TENM4: variants seen among roughly 807,000 people sequenced by gnomAD.
TENM4 encodes the protein teneurin-4.
In TENM4, 82 loss-of-function variants were observed where a neutral mutation model predicts 243.3. The ratio of observed to expected loss-of-function variants is 0.34; its 90% confidence interval spans 0.28 to 0.40. The LOEUF (loss-of-function observed/expected upper bound fraction) is 0.40. Among genes scored for constraint, TENM4 ranks in the 10% least tolerant of loss-of-function variants. TENM4 has a pLI of 1.00. For missense variants in TENM4, 3,138 were observed against 3,673.3 expected (o/e 0.85, Z 3.77); for synonymous variants, 1,412 against 1,456.3 (o/e 0.97, Z 0.69).
intron 19 of TENM4, among the ~76,000 whole-genome samples, chr11:78,745,222 TTTTTC>T (rs1856021974): frequency 7.0e-6 from 1 of 143,004 alleles, no homozygotes; most frequent in Non-Finnish European, 1.5e-5. Context: ...CTTTTTTTTC[TTTTTC>T]TTTTTTTTTT....
At chr11:78,976,424 A>C (rs539044463) in intron 6 of TENM4, among the ~76,000 whole-genome samples, 12 of 152,300 alleles carry the variant, frequency 7.9e-5, no homozygotes, top group East Asian at 1.9e-4. Context: ...TAAAAAAAAA[A>C]CCAGAAAGCC....
intron 12 of TENM4, among the ~76,000 whole-genome samples, chr11:78,824,310 G>C (rs1310413268): frequency 6.6e-6 from 1 of 152,100 alleles, no homozygotes; most frequent in Non-Finnish European, 1.5e-5. Context: ...GGTGAAGTGG[G>C]AGCCTGCATA....
At chr11:79,194,269 C>T (rs780799090) in intron 3 of TENM4, among the ~76,000 whole-genome samples, 12 of 151,644 alleles carry the variant, frequency 7.9e-5, no homozygotes, top group Non-Finnish European at 1.5e-4. Context: ...TTATCAACAG[C>T]ATGAAAACGG....
In TENM4 at chr11:79,440,313, T is replaced by C. The variant is rs1187140044; in HGVS notation, c.-321+196A>G. Among the ~76,000 whole-genome samples the C allele has an allele frequency of 1.3e-5, 2 of 151,972 alleles. No homozygotes were observed. Among genetic ancestry groups the C allele is most frequent in the Non-Finnish European group, 2.9e-5 (2 of 67,942 alleles). ...GGCGGCTCCAGGCTCCAGAACAGCT[T>C]GCCTCTTCGGCCACCCGCGCCCTAG... On this transcript the variant is annotated intron_variant, in intron 1 of 33. Transcript: ENST00000278550. This position sits in a 1 kb window ranked among gnomAD's most constrained non-coding sequence, Gnocchi z 4.7.
At position 79,414,157 on chromosome 11, in the gene TENM4, TACACAC is replaced by T. The variant is rs10587790; in HGVS notation, c.-321+26346_-321+26351del. On this transcript the variant is annotated intron_variant, in intron 1 of 33. Coordinates refer to ENST00000278550, the MANE Select transcript of TENM4 (RefSeq NM_001098816.3). The stretch of plus-strand genomic sequence containing the variant: ...ACATGAACACATATACACACATGTG[TACACAC>T]ACACACACACACACACACACGCACA... Among the ~76,000 whole-genome samples, 178 of 150,580 alleles carry T rather than the reference TACACAC, an allele frequency of 1.2e-3. 1 individual carries two copies. The highest frequency in any genetic ancestry group is 4.9e-3 in the East Asian group (25 of 5,124).
At chr11:79,026,845 A>C (rs1051621196) in intron 6 of TENM4, among the ~76,000 whole-genome samples, 1 of 152,188 alleles carries the variant, frequency 6.6e-6, no homozygotes, top group Non-Finnish European at 1.5e-5. Context: ...GACTCTGGTA[A>C]AAGGGCAAAA....
At chr11:79,128,868 T>C (rs1306986026) in intron 4 of TENM4, among the ~76,000 whole-genome samples, 1 of 151,994 alleles carries the variant, frequency 6.6e-6, no homozygotes, top group African/African-American at 2.4e-5. Flanking sequence ...GGAAAATTGG[T>C]GACAAAAAAA....
intron 1 of TENM4, among the ~76,000 whole-genome samples, chr11:79,413,503 C>G (rs1434839199): frequency 6.6e-6 from 1 of 152,208 alleles, no homozygotes; most frequent in Non-Finnish European, 1.5e-5. Context: ...AGAGAGAAGA[C>G]ACAAGGTTCC....
At chr11:79,049,461 C>A (rs935371991) in intron 6 of TENM4, among the ~76,000 whole-genome samples, 5 of 152,168 alleles carry the variant, frequency 3.3e-5, no homozygotes, top group Non-Finnish European at 5.9e-5. Flanking sequence ...CTGCTAGGGC[C>A]GCTCACTAAT....
intron 30 of TENM4, among the ~76,000 whole-genome samples, chr11:78,674,588 C>G (rs1206669392): frequency 6.6e-6 from 1 of 152,214 alleles, no homozygotes; most frequent in Non-Finnish European, 1.5e-5. Context: ...CCACATGGCA[C>G]AGGCAGGAAT....
intron 1 of TENM4, among the ~76,000 whole-genome samples, chr11:79,391,594 G>T (rs1453793217): frequency 1.3e-5 from 2 of 152,208 alleles, no homozygotes; most frequent in Non-Finnish European, 2.9e-5. Context: ...CAAAAGGTTG[G>T]GTTTTTTTTA....
chr11:78,912,379 C>A (rs538913555), intron 6 of TENM4, among the ~76,000 whole-genome samples: 92 of 152,204 alleles, frequency 6.0e-4, no homozygotes, highest in African/African-American at 2.0e-3. Context: ...CTCAGCCTCC[C>A]GAGTAGTTGG....
chr11:78,689,999 G>A (rs1257487558), intron 28 of TENM4, among the ~76,000 whole-genome samples: 2 of 152,208 alleles, frequency 1.3e-5, no homozygotes, highest in Non-Finnish European at 2.9e-5. Context: ...GGGCAGGGCT[G>A]CAGGCAAGGC....
At chr11:79,161,981 A>T (rs112462451) in intron 3 of TENM4, among the ~76,000 whole-genome samples, 1,858 of 152,302 alleles carry the variant, frequency 0.012, 39 homozygotes, top group African/African-American at 0.043. Flanking sequence ...CTGAGTGACA[A>T]TGATTGGGTT....
At chr11:79,190,785 GTCTCCCTCTCCC>G (rs1235191049) in intron 3 of TENM4, among the ~76,000 whole-genome samples, 1 of 94,728 alleles carries the variant, frequency 1.1e-5, no homozygotes, top group East Asian at 3.2e-4. Context: ...TCCCTCTCCC[GTCTCCCTCTCCC>G]TCTCCCTCTC....
intron 1 of TENM4, among the ~76,000 whole-genome samples, chr11:79,360,433 C>T (rs143068741): frequency 0.012 from 1,810 of 152,306 alleles, 35 homozygotes; most frequent in African/African-American, 0.041. Flanking sequence ...ACATAGGGAA[C>T]CTCTCCCTCC....
At chr11:78,879,830 G>C (rs1859382542) in intron 9 of TENM4, among the ~76,000 whole-genome samples, 1 of 151,490 alleles carries the variant, frequency 6.6e-6, no homozygotes, top group Non-Finnish European at 1.5e-5. Flanking sequence ...GGGAGGTGAG[G>C]AGCACCTCTG....
At chr11:78,801,075 G>A (rs919521068) in intron 15 of TENM4, among the ~76,000 whole-genome samples, 1 of 152,088 alleles carries the variant, frequency 6.6e-6, no homozygotes, top group Non-Finnish European at 1.5e-5. Flanking sequence ...CCTGTGGCTT[G>A]TCAGAAAGAG....
chr11:78,690,534 G>C (rs1357814406), intron 28 of TENM4, among the ~76,000 whole-genome samples: 1 of 152,192 alleles, frequency 6.6e-6, no homozygotes, highest in Non-Finnish European at 1.5e-5. Context: ...AACCACACGT[G>C]AGAGCTCATG....
Sources: gnomAD v4.1 joint callset for allele counts (sites outside exome capture counted in the v4.1 genomes callset) on GRCh38, gnomAD v4.1.1 for gene constraint, Gnocchi (gnomAD v3.1) non-coding constraint, MANE v1.5 for transcripts, NCBI Gene and HGNC (gene_info 2026-07-23, HGNC 2026-07-21) for gene names.